GNAQ: variants seen among roughly 807,000 people sequenced by gnomAD.
The protein encoded by GNAQ is guanine nucleotide-binding protein G(q) subunit alpha.
In GNAQ, 8 loss-of-function variants were observed where a neutral mutation model predicts 43.9. The ratio of observed to expected loss-of-function variants is 0.18; its 90% CI spans 0.11 to 0.33. GNAQ has a LOEUF of 0.33. Among genes scored for constraint, GNAQ ranks in the 10% least tolerant of loss-of-function variants. The pLI is 1.00. For synonymous variants in GNAQ, 155 were observed against 170.7 expected (o/e 0.91, Z 0.71); for missense variants, 158 against 450.8 (o/e 0.35, Z 5.88).
At chr9:77,847,790 C>T (rs1300519923) in intron 2 of GNAQ, among the ~76,000 whole-genome samples, 2 of 152,186 alleles carry the variant, frequency 1.3e-5, no homozygotes, top group Non-Finnish European at 2.9e-5. Flanking sequence ...GGAGATCAAC[C>T]TGGGGCCTGG....
chr9:77,948,763 T>C (rs925988793), intron 1 of GNAQ, among the ~76,000 whole-genome samples: 9 of 152,192 alleles, frequency 5.9e-5, no homozygotes, highest in African/African-American at 2.2e-4. Flanking sequence ...AGGAGATTTA[T>C]TATCCTTTTT....
At chr9:77,870,982 T>C (rs1587377248) in intron 2 of GNAQ, among the ~76,000 whole-genome samples, 1 of 152,274 alleles carries the variant, frequency 6.6e-6, no homozygotes, top group East Asian at 1.9e-4. Context: ...GTAATGAACA[T>C]GTGAACTTTT....
chr9:77,735,021 G>A (rs1215915809), intron 5 of GNAQ, among the ~76,000 whole-genome samples: 1 of 152,034 alleles, frequency 6.6e-6, no homozygotes, highest in South Asian at 2.1e-4. Flanking sequence ...TCCATACACT[G>A]TACATGACGA....
chr9:77,966,292 A>G lies in GNAQ; in HGVS notation c.137-43947T>C, dbSNP rs138011114. On this transcript the variant is annotated intron_variant, in intron 1 of 6. Coordinates refer to ENST00000286548, the MANE Select transcript of GNAQ (RefSeq NM_002072.5). ...TAAGTGACAAAACATCAAATTCTAC[A>G]TATTAAATATGTGCAGCTTACTGAG... Among the ~76,000 whole-genome samples the G allele has an allele frequency of 3.7e-3, 569 of 152,328 alleles. 3 individuals are homozygous for G. Among genetic ancestry groups the G allele is most frequent in the African/African-American group, 0.013 (541 of 41,568 alleles).
chr9:77,989,726 G>A (rs1449695772), intron 1 of GNAQ, among the ~76,000 whole-genome samples: 5 of 152,158 alleles, frequency 3.3e-5, no homozygotes, highest in Admixed American at 2.0e-4. Flanking sequence ...ATGAAGGAAT[G>A]CATTTTCTTC....
chr9:77,849,286 T>A (rs1252638105), intron 2 of GNAQ, among the ~76,000 whole-genome samples: 1 of 152,190 alleles, frequency 6.6e-6, no homozygotes, highest in Non-Finnish European at 1.5e-5. Flanking sequence ...TCAAGCATCC[T>A]AAAACTATCT....
At chr9:77,737,421 C>G (rs1007851445) in intron 5 of GNAQ, among the ~76,000 whole-genome samples, 1 of 152,210 alleles carries the variant, frequency 6.6e-6, no homozygotes. Flanking sequence ...AACAGGCATT[C>G]CTTCCAGCCT....
intron 2 of GNAQ, among the ~76,000 whole-genome samples, chr9:77,891,267 T>C (rs977579341): frequency 2.0e-5 from 3 of 152,186 alleles, no homozygotes; most frequent in African/African-American, 7.2e-5. Flanking sequence ...CTATCACACG[T>C]TCTCCTCTCC....
intron 6 of GNAQ, among the ~76,000 whole-genome samples, chr9:77,723,868 G>A (rs1312050761): frequency 6.6e-6 from 1 of 152,074 alleles, no homozygotes; most frequent in African/African-American, 2.4e-5. Context: ...TATTGTGAGT[G>A]TAATTAATGC....
At position 77,935,093 on chromosome 9, in the gene GNAQ, C is replaced by T. The variant is rs571230121; in HGVS notation, c.137-12748G>A. ...TGAGCCAAGATTGCACCACTGCCCT[C>T]CAACCTGGACGACAGAGTGAGATGC... On this transcript the variant is annotated intron_variant, in intron 1 of 6. Coordinates refer to ENST00000286548, the MANE Select transcript of GNAQ (RefSeq NM_002072.5). Among the ~76,000 whole-genome samples, 254 of 152,184 alleles carry T rather than the reference C, an allele frequency of 1.7e-3. 1 individual carries two copies. Among genetic ancestry groups the T allele is most frequent in the Non-Finnish European group, 2.2e-3 (150 of 68,002 alleles).
At chr9:77,757,775 A>G (rs1825928419) in intron 5 of GNAQ, among the ~76,000 whole-genome samples, 1 of 152,330 alleles carries the variant, frequency 6.6e-6, no homozygotes, top group South Asian at 2.1e-4. Flanking sequence ...CTGACTGTAC[A>G]CAAACCTCCC....
intron 2 of GNAQ, among the ~76,000 whole-genome samples, chr9:77,901,378 A>T (rs966123801): frequency 6.6e-5 from 10 of 152,180 alleles, no homozygotes; most frequent in African/African-American, 2.4e-4. Flanking sequence ...CTGTGTATTT[A>T]GTCCCTAAAT....
intron 5 of GNAQ, among the ~76,000 whole-genome samples, chr9:77,757,586 T>A (rs1024984337): frequency 1.3e-5 from 2 of 152,156 alleles, no homozygotes; most frequent in African/African-American, 4.8e-5. Flanking sequence ...CGTGCCAACA[T>A]AAAAAATACC....
At chr9:77,892,327 C>A (rs1469228355) in intron 2 of GNAQ, among the ~76,000 whole-genome samples, 2 of 152,158 alleles carry the variant, frequency 1.3e-5, no homozygotes, top group African/African-American at 4.8e-5. Flanking sequence ...ACTCCCTATG[C>A]CATGTAAATG....
chr9:77,975,537 T>G (rs112898948), intron 1 of GNAQ, among the ~76,000 whole-genome samples: 2 of 62,772 alleles, frequency 3.2e-5, no homozygotes, highest in East Asian at 5.4e-4. Flanking sequence ...CAGCCCCCCC[T>G]TTTTTTTTTT....
At chr9:77,924,961 A>G (rs1829048083) in intron 1 of GNAQ, among the ~76,000 whole-genome samples, 1 of 151,744 alleles carries the variant, frequency 6.6e-6, no homozygotes, top group Non-Finnish European at 1.5e-5. Flanking sequence ...AGCGGGACAA[A>G]CAGGAAGGGG....
At chr9:77,813,248 T>A (rs181400570) in intron 3 of GNAQ, among the ~76,000 whole-genome samples, 156 of 152,300 alleles carry the variant, frequency 1.0e-3, no homozygotes, top group African/African-American at 3.7e-3. Context: ...AATCAATTTA[T>A]CCTCATTCCC....
chr9:77,942,182 G>A lies in GNAQ; in HGVS notation c.137-19837C>T, dbSNP rs373091924. On this transcript the variant is annotated intron_variant, in intron 1 of 6. Transcript: ENST00000286548. ...TTTACTTCAAAGATGTAACAGAACT[G>A]GTAACAGAGTTAAAAGATCATGTTC... Among the ~76,000 whole-genome samples, 5 of 152,228 alleles carry A rather than the reference G, an allele frequency of 3.3e-5. No individual in the cohort carries two copies. The East Asian group carries it at 5.8e-4, about 18-fold the overall frequency.
In GNAQ at chr9:77,936,667, G is replaced by A. The variant is rs115417435; in HGVS notation, c.137-14322C>T. On this transcript the variant is annotated intron_variant, in intron 1 of 6. Transcript: ENST00000286548. Reference sequence around the variant, plus strand: ...ATATTGAATCACTAGGCATCACTAAGTTGGGTGATATTTCCAGGGGTTTGT... The same window carrying A: ...ATATTGAATCACTAGGCATCACTAAATTGGGTGATATTTCCAGGGGTTTGT... Among the ~76,000 whole-genome samples, 690 of 152,284 alleles carry A rather than the reference G, an allele frequency of 4.5e-3. 6 individuals carry two copies. The highest frequency in any genetic ancestry group is 0.016 in the African/African-American group (669 of 41,564).
Sources: allele counts gnomAD v4.1 joint callset (sites outside exome capture counted in the v4.1 genomes callset), GRCh38; gene constraint gnomAD v4.1.1; transcripts MANE v1.5; gene names NCBI Gene and HGNC (gene_info 2026-07-23, HGNC 2026-07-21).